The following RBFOX1 variants were observed in gnomAD, a reference collection of about 807,000 sequenced individuals.
The protein encoded by RBFOX1 is RNA binding fox-1 homolog 1, also known as RNA binding protein fox-1 homolog 1.
Under a neutral mutation model 57.7 loss-of-function variants are expected in RBFOX1, and 8 were observed. The ratio of observed to expected loss-of-function variants is 0.14; its 90% CI spans 0.08 to 0.25. The LOEUF (loss-of-function observed/expected upper bound fraction) is 0.25, where lower values mean the gene tolerates loss of function less well. Among genes scored for constraint, RBFOX1 ranks in the 10% least tolerant of loss-of-function variants. The pLI, the probability that RBFOX1 is intolerant of heterozygous loss-of-function variation, is 1.00. For missense variants in RBFOX1, 611 were observed against 548.5 expected (o/e 1.11, Z -1.14); for synonymous variants, 326 against 222.4 (o/e 1.47, Z -4.15).
chr16:5,858,208 A>G (rs2057120500), intron 3 of RBFOX1, among the ~76,000 whole-genome samples: 1 of 152,120 alleles, frequency 6.6e-6, no homozygotes, highest in South Asian at 2.1e-4. Context: ...AGATGGTGAC[A>G]CCTTACCCCA....
chr16:7,421,621 G>T (rs187991734), intron 4 of RBFOX1, among the ~76,000 whole-genome samples: 3 of 152,334 alleles, frequency 2.0e-5, no homozygotes, highest in African/African-American at 4.8e-5. Context: ...GAGGCCCCCA[G>T]TTGGCTGCTG....
intron 1 of RBFOX1, among the ~76,000 whole-genome samples, chr16:6,219,143 T>G (rs1053302293): frequency 5.9e-5 from 9 of 152,174 alleles, no homozygotes; most frequent in Non-Finnish European, 1.2e-4. Flanking sequence ...TGATTTTTTA[T>G]ATGTCTAGCA....
intron 1 of RBFOX1, among the ~76,000 whole-genome samples, chr16:6,279,383 T>C (rs1254271940): frequency 6.6e-6 from 1 of 152,188 alleles, no homozygotes; most frequent in Non-Finnish European, 1.5e-5. Flanking sequence ...GGGGAGACTG[T>C]AGATTCCTGA....
intron 2 of RBFOX1, among the ~76,000 whole-genome samples, chr16:6,637,712 G>T (rs936420289): frequency 4.6e-5 from 7 of 151,340 alleles, no homozygotes; most frequent in Non-Finnish European, 1.0e-4. Flanking sequence ...AGCTGACCAT[G>T]AGTACAGGGT....
rs1329958456 is a variant in RBFOX1 at position 6,801,782 on chromosome 16, C to T, written c.-16+147132C>T. On this transcript the variant is annotated intron_variant, in intron 3 of 15. Transcript: ENST00000550418. ...AGAAGGTCTGGAAAATATTGCCAGA[C>T]CGACTCAAAATTACAAAGTTTTCCA... 2.0e-5 allele frequency among the ~76,000 whole-genome samples: 3 copies of T among 152,064 alleles called. 1 individual carries two copies. The highest frequency in any genetic ancestry group is 7.3e-5 in the African/African-American group (3 of 41,368).
intron 15 of RBFOX1, chr16:7,709,565 C>A: frequency 6.5e-7 from 1 of 1,531,082 alleles, no homozygotes; most frequent in Admixed American, 2.0e-5. Context: ...TGCTGTCAGG[C>A]AGCTGAGAAT....
chr16:7,024,656 G>C (rs908621367), intron 3 of RBFOX1, among the ~76,000 whole-genome samples: 1 of 152,166 alleles, frequency 6.6e-6, no homozygotes, highest in African/African-American at 2.4e-5. Context: ...GAGATCTCCT[G>C]TTCTTTGCAG....
At chr16:6,185,524 T>G (rs2097099615) in intron 1 of RBFOX1, among the ~76,000 whole-genome samples, 1 of 152,228 alleles carries the variant, frequency 6.6e-6, no homozygotes, top group Non-Finnish European at 1.5e-5. Flanking sequence ...CCAGCCTGTC[T>G]CTTTCCACTG....
intron 4 of RBFOX1, among the ~76,000 whole-genome samples, chr16:7,167,486 C>T (rs1253930089): frequency 6.6e-6 from 1 of 152,080 alleles, no homozygotes; most frequent in Non-Finnish European, 1.5e-5. Context: ...CCAAGGATGC[C>T]AGGACCACCA....
chr16:5,983,147 C>T (rs895989940), intron 4 of RBFOX1, among the ~76,000 whole-genome samples: 9 of 152,184 alleles, frequency 5.9e-5, no homozygotes, highest in South Asian at 2.1e-4. Flanking sequence ...CCCAGCTCTG[C>T]GTCCCTGCCC....
At chr16:6,596,418 T>A (rs971345891) in intron 2 of RBFOX1, among the ~76,000 whole-genome samples, 1 of 152,162 alleles carries the variant, frequency 6.6e-6, no homozygotes, top group African/African-American at 2.4e-5. Flanking sequence ...GACCCTAGGG[T>A]GCGTCACTGC....
chr16:7,606,119 T>TA (rs561616957), intron 9 of RBFOX1, among the ~76,000 whole-genome samples: 1 of 44,186 alleles, frequency 2.3e-5, no homozygotes, highest in Non-Finnish European at 7.9e-5. Context: ...CCTGCATGGA[T>TA]TTTTTTTTTT....
intron 3 of RBFOX1, among the ~76,000 whole-genome samples, chr16:6,957,116 T>TTTTTTTTA (rs574831673): frequency 2.9e-4 from 40 of 139,248 alleles, no homozygotes; most frequent in South Asian, 1.4e-3. Flanking sequence ...TTATTTTTAT[T>TTTTTTTTA]TTTATTTATT....
chr16:5,366,127 A>G (rs75711057), intron 1 of RBFOX1: 15,395 of 449,720 alleles, frequency 0.034, 420 homozygotes, highest in Middle Eastern at 0.07. Context: ...GTGCATGCTA[A>G]TGGACAGCAC....
chr16:5,403,653 C>A (rs749838121), intron 1 of RBFOX1, among the ~76,000 whole-genome samples: 1 of 152,122 alleles, frequency 6.6e-6, no homozygotes, highest in African/African-American at 2.4e-5. Context: ...GCCATGTTGG[C>A]CAGGCTGGTC....
intron 4 of RBFOX1, among the ~76,000 whole-genome samples, chr16:7,183,720 C>A (rs192152097): frequency 1.1e-4 from 16 of 152,266 alleles, no homozygotes; most frequent in African/African-American, 3.9e-4. Flanking sequence ...TGAACACAAG[C>A]TAGTTCTTAG....
intron 1 of RBFOX1, among the ~76,000 whole-genome samples, chr16:5,267,567 G>A (rs539511275): frequency 2.6e-5 from 4 of 152,048 alleles, no homozygotes; most frequent in Non-Finnish European, 4.4e-5. Flanking sequence ...TAAAGTGTTC[G>A]GGTTACAGGT....
intron 4 of RBFOX1, among the ~76,000 whole-genome samples, chr16:7,247,899 G>A (rs1010624263): frequency 6.6e-6 from 1 of 152,152 alleles, no homozygotes; most frequent in African/African-American, 2.4e-5. Context: ...AGGGTGGAGG[G>A]TGGGAGTAGG....
At chr16:6,962,256 C>G (rs117631406) in intron 3 of RBFOX1, among the ~76,000 whole-genome samples, 1 of 152,116 alleles carries the variant, frequency 6.6e-6, no homozygotes, top group Non-Finnish European at 1.5e-5. Flanking sequence ...CCTCCCTCTC[C>G]TTTCTCTTAC....
Sources: gnomAD v4.1 joint callset for allele counts (sites outside exome capture counted in the v4.1 genomes callset) on GRCh38, gnomAD v4.1.1 for gene constraint, MANE v1.5 for transcripts, NCBI Gene and HGNC (gene_info 2026-07-23, HGNC 2026-07-21) for gene names.